The following COL11A2 variants were observed in gnomAD, a reference collection of about 807,000 sequenced individuals.
The protein encoded by COL11A2 is collagen alpha-2(XI) chain.
In COL11A2, 116 loss-of-function variants were observed where a neutral mutation model predicts 273.4. The ratio of observed to expected loss-of-function variants is 0.42; its 90% CI spans 0.36 to 0.49. COL11A2 has a LOEUF of 0.49. Among genes scored for constraint, COL11A2 ranks in the 20% least tolerant of loss-of-function variants. COL11A2 has a pLI of 0.00. For synonymous variants in COL11A2, 782 were observed against 864.2 expected, an observed-to-expected ratio of 0.90 and a Z score of 1.67; for missense variants, 1,866 against 2,309.0, an observed-to-expected ratio of 0.81 and a Z score of 3.93.
rs573516814 is a variant in COL11A2 at position 33,172,419 on chromosome 6, C to A, written c.2899-41G>T. On this transcript the variant is annotated intron_variant, in intron 39 of 65. Transcript: ENST00000341947. Reference sequence around the variant, plus strand: ...AGGTGATGAGCCACAGCCATGCTCCCAAATTAAACAGAGAGCTCTCCAGCC... The same window carrying A: ...AGGTGATGAGCCACAGCCATGCTCCAAAATTAAACAGAGAGCTCTCCAGCC... The A allele has an allele frequency of 7.7e-6, 12 of 1,560,842 alleles. No homozygotes were observed. In the South Asian group the frequency reaches 1.4e-4, roughly 18 times the overall value.
rs2150551799 is a variant in COL11A2 at position 33,172,510 on chromosome 6, C to T, written c.2898+20G>A. ...AATCCCCAGCTCCCCCACTTCCCCT[C>T]TGCCTGGCCCCTCACTGACCTTTGT... On this transcript the variant is annotated intron_variant, in intron 39 of 65. Transcript: ENST00000341947. 1.2e-6 allele frequency: 2 copies of T among 1,609,000 alleles called. No individual in the cohort carries two copies. The highest frequency in any genetic ancestry group is 4.5e-5 in the East Asian group (2 of 44,856).
In COL11A2 at chr6:33,189,461, G is replaced by C. The variant is rs1554226286; in HGVS notation, c.91C>G (p.Pro31Ala). The C allele has an allele frequency of 6.2e-7, 1 of 1,613,086 alleles. No homozygotes were observed. Among genetic ancestry groups the C allele is most frequent in the Non-Finnish European group, 8.5e-7 (1 of 1,180,024 alleles). The change falls in exon 2 of 66, where the codon CCT (proline) becomes GCT (alanine). Residue 31 changes from proline (P) to alanine (A), a missense_variant. Coordinates refer to ENST00000341947, the MANE Select transcript of COL11A2 (RefSeq NM_080680.3). The surrounding 1 kb of genome is among the most constrained non-coding windows in gnomAD (Gnocchi z 5.6). ...SAAPGWAGAPPVDVLRALRFP... is the reference protein window; with the variant it reads ...SAAPGWAGAPAVDVLRALRFP... ...CTCAGGGCCCGGAGCACATCCACAG[G>C]GGGTGCACCTGGGAGAGTCCATGAT...
chr6:33,189,076 C>A lies in COL11A2; in HGVS notation c.345G>T (p.Glu115Asp). 6.2e-7 allele frequency: 1 copy of A among 1,614,200 alleles called. No individual in the cohort carries two copies. Among genetic ancestry groups the A allele is most frequent in the Non-Finnish European group, 8.5e-7 (1 of 1,180,040 alleles). ...SAQGVRQLGL[E>D]LGRPVRFLYE... is the part of the protein sequence containing the mutation. Reference sequence around the variant, plus strand: ...ACAGGAAGCGGACAGGTCGGCCCAGCTCCAGGCCCAGCTGTCGGACACCCT... The same window carrying A: ...ACAGGAAGCGGACAGGTCGGCCCAGATCCAGGCCCAGCTGTCGGACACCCT... Residue 115 changes from glutamate (E) to aspartate (D), a missense_variant, in exon 3 of 66, where the codon GAG becomes GAT. Coordinates refer to ENST00000341947, the MANE Select transcript of COL11A2 (RefSeq NM_080680.3). The surrounding 1 kb of genome is among the most constrained non-coding windows in gnomAD (Gnocchi z 5.6).
At position 33,179,788 on chromosome 6, in the gene COL11A2, A is replaced by G; in HGVS notation, c.1377T>C (p.Gly459=). The G allele has an allele frequency of 6.2e-7, 1 of 1,611,324 alleles. No individual in the cohort carries two copies. Among genetic ancestry groups the G allele is most frequent in the South Asian group, 1.1e-5 (1 of 91,074 alleles). The change falls in exon 13 of 66, where the codon GGT becomes GGC. Residue 459 remains glycine (G), a synonymous_variant. Coordinates refer to ENST00000341947, the MANE Select transcript of COL11A2 (RefSeq NM_080680.3). The surrounding 1 kb of genome is among the most constrained non-coding windows in gnomAD (Gnocchi z 6.4). ...CCACCACAGGGCCCTTGTCACCCCC[A>G]CCACTGCCAAACCGGAACTGAGGTC... The part of the protein sequence containing the change: ...SLMLPFRFGS[G]GGDKGPVVAA...
Position 33,173,255 on chromosome 6 carries a change from C to A in COL11A2, c.2736+93G>T. ...AGCACCAGGGCAGGCTCCACTCTGC[C>A]AGGAGAACGTCCCTGTGGGCTTTCC... On this transcript the variant is annotated intron_variant, in intron 37 of 65. Coordinates refer to ENST00000341947, the MANE Select transcript of COL11A2 (RefSeq NM_080680.3). This position sits in a 1 kb window ranked among gnomAD's most constrained non-coding sequence, Gnocchi z 6.3. 1 of 1,565,126 alleles carries A rather than the reference C, an allele frequency of 6.4e-7. No homozygotes were observed. The highest frequency in any genetic ancestry group is 8.7e-7 in the Non-Finnish European group (1 of 1,145,926).
chr6:33,184,651 T>C (rs1448005529), intron 7 of COL11A2, among the ~76,000 whole-genome samples: 1 of 151,652 alleles, frequency 6.6e-6, no homozygotes, highest in Admixed American at 6.6e-5. Context: ...ACCAAAGAGA[T>C]AGGGAAGACA....
Position 33,176,918 on chromosome 6 carries a change from T to A in COL11A2, c.2070+74A>T. 1 of 1,558,842 alleles carries A rather than the reference T, an allele frequency of 6.4e-7. No individual in the cohort carries two copies. Among genetic ancestry groups the A allele is most frequent in the Non-Finnish European group, 8.7e-7 (1 of 1,143,768 alleles). On this transcript the variant is annotated intron_variant, in intron 25 of 65. Coordinates refer to ENST00000341947, the MANE Select transcript of COL11A2 (RefSeq NM_080680.3). The surrounding 1 kb of genome is among the most constrained non-coding windows in gnomAD (Gnocchi z 4.9). ...AGTGACCTTTCAGTGCAAGGGTCACTAAAGGAGCTCTGAGGTCATGCACTG... is the reference window on the plus strand; with the variant it reads ...AGTGACCTTTCAGTGCAAGGGTCACAAAAGGAGCTCTGAGGTCATGCACTG...
rs1469596482 is a variant in COL11A2 at position 33,190,825 on chromosome 6, G to C, written c.82+1334C>G. ...ACCCCAGGCCAAGGAGACCTCGGAGGTCCCCACCCTCCACCAAATCCCAAG... is the reference window on the plus strand; with the variant it reads ...ACCCCAGGCCAAGGAGACCTCGGAGCTCCCCACCCTCCACCAAATCCCAAG... On this transcript the variant is annotated intron_variant, in intron 1 of 65. Coordinates refer to ENST00000341947, the MANE Select transcript of COL11A2 (RefSeq NM_080680.3). This position sits in a 1 kb window ranked among gnomAD's most constrained non-coding sequence, Gnocchi z 4.5. Among the ~76,000 whole-genome samples, 1 of 151,988 alleles carries C rather than the reference G, an allele frequency of 6.6e-6. No homozygotes were observed. The highest frequency in any genetic ancestry group is 1.5e-5 in the Non-Finnish European group (1 of 67,998).
intron 38 of COL11A2, 72 bp from the exon 39 acceptor site, chr6:33,172,709 G>C: frequency 7.4e-7 from 1 of 1,349,234 alleles, no homozygotes; most frequent in Non-Finnish European, 1.0e-6. Context: ...GCCCACCCTG[G>C]CCACCCTAAA....
rs949529297 is a variant in COL11A2, at chr6:33,164,082, AC to A, written c.5070+184del. Among the ~76,000 whole-genome samples the A allele has an allele frequency of 2.0e-5, 3 of 151,970 alleles. No individual in the cohort carries two copies. Among genetic ancestry groups the A allele is most frequent in the African/African-American group, 7.3e-5 (3 of 41,362 alleles). On this transcript the variant is annotated intron_variant, in intron 65 of 65. Transcript: ENST00000341947. The surrounding 1 kb of genome is among the most constrained non-coding windows in gnomAD (Gnocchi z 4.7). ...TGGTGTTTGTACCCAAGTGAACCTC[AC>A]CCGATGGCTTCCATCCTTTCCACCT...
chr6:33,178,743 G>C lies in COL11A2; in HGVS notation c.1666-11C>G. On this transcript the variant is annotated splice_polypyrimidine_tract_variant and intron_variant, in intron 17 of 65. Coordinates refer to ENST00000341947, the MANE Select transcript of COL11A2 (RefSeq NM_080680.3). The surrounding 1 kb of genome is among the most constrained non-coding windows in gnomAD (Gnocchi z 4.6). ...AAAACCTCGGTCACCCTAGGAGGAG[G>C]AAGGATAGCCAGAGTGAGGACACGA... The C allele has an allele frequency of 1.2e-6, 2 of 1,612,710 alleles. No homozygotes were observed. The highest frequency in any genetic ancestry group is 1.7e-6 in the Non-Finnish European group (2 of 1,179,882).
At position 33,179,264 on chromosome 6, in the gene COL11A2, G is replaced by A. The variant is rs1465511059; in HGVS notation, c.1524C>T (p.Gly508=). Residue 508 remains glycine (G), a synonymous_variant, in exon 15 of 66, where the codon GGC becomes GGT. Coordinates refer to ENST00000341947, the MANE Select transcript of COL11A2 (RefSeq NM_080680.3). This position sits in a 1 kb window ranked among gnomAD's most constrained non-coding sequence, Gnocchi z 6.4. ...CTAAGTCTCCAGACTCTCCTTTCAG[G>A]CCAGGGCTCCCAGGTTGGCCCTGGG... ...PGPLGQPGSP[G]LKGESGDLGP... is the part of the protein sequence containing the mutation. 25 of 1,611,620 alleles carry A rather than the reference G, an allele frequency of 1.6e-5. No homozygotes were observed. Among genetic ancestry groups the A allele is most frequent in the Non-Finnish European group, 2.1e-5 (25 of 1,179,340 alleles).
Position 33,166,498 on chromosome 6 carries a change from A to G in COL11A2, c.4392+15T>C. On this transcript the variant is annotated intron_variant, in intron 60 of 65. Coordinates refer to ENST00000341947, the MANE Select transcript of COL11A2 (RefSeq NM_080680.3). This position sits in a 1 kb window ranked among gnomAD's most constrained non-coding sequence, Gnocchi z 4.8. ...GGTTTAGGGGATTTTGTGGAGGAAC[A>G]GAGGCAGTACTCACGGGGAGGCCGG... The G allele has an allele frequency of 6.2e-7, 1 of 1,612,754 alleles. No homozygotes were observed.
Position 33,164,657 on chromosome 6 carries a change from G to C in COL11A2, c.4864-184C>G, listed in dbSNP as rs533319534. Among the ~76,000 whole-genome samples, 1 of 152,252 alleles carries C rather than the reference G, an allele frequency of 6.6e-6. No individual in the cohort carries two copies. The highest frequency in any genetic ancestry group is 1.5e-5 in the Non-Finnish European group (1 of 68,022). ...GGGCTGAGTGGGAGCCAGGAGACTGGGGGTACACGAAAGGCAAAGTGAGCA... is the reference window on the plus strand; with the variant it reads ...GGGCTGAGTGGGAGCCAGGAGACTGCGGGTACACGAAAGGCAAAGTGAGCA... On this transcript the variant is annotated intron_variant, in intron 64 of 65. Transcript: ENST00000341947. The surrounding 1 kb of genome is among the most constrained non-coding windows in gnomAD (Gnocchi z 4.7).
chr6:33,179,861 C>T lies in COL11A2; in HGVS notation c.1360-56G>A. 2 of 1,525,258 alleles carry T rather than the reference C, an allele frequency of 1.3e-6. No individual in the cohort carries two copies. The highest frequency in any genetic ancestry group is 1.8e-6 in the Non-Finnish European group (2 of 1,109,630). 94.5% of individuals were successfully genotyped at this position (1,525,258 alleles called of 1,614,324 possible). A position where few individuals can be genotyped will look rare whatever the true frequency, so the allele number is the denominator to read the frequency against. The stretch of plus-strand genomic sequence containing the variant: ...CTTCCAAGAAAGCCATGGGACCCTC[C>T]CAGCCAGAGGCTTTCTCCAGCGTTT... On this transcript the variant is annotated intron_variant, in intron 12 of 65. Transcript: ENST00000341947. The surrounding 1 kb of genome is among the most constrained non-coding windows in gnomAD (Gnocchi z 6.4).
At position 33,177,423 on chromosome 6, in the gene COL11A2, G is replaced by A; in HGVS notation, c.1960C>T (p.Pro654Ser). The change falls in exon 23 of 66, where the codon CCT (proline) becomes TCT (serine). Residue 654 changes from proline (P) to serine (S), a missense_variant. By Grantham distance (74) the Pro-to-Ser change is moderately conservative. Coordinates refer to ENST00000341947, the MANE Select transcript of COL11A2 (RefSeq NM_080680.3). This position sits in a 1 kb window ranked among gnomAD's most constrained non-coding sequence, Gnocchi z 5.9. Reference protein sequence around the residue: ...EPGPPGQQGTPGTQGLPGPQG... With the variant: ...EPGPPGQQGTSGTQGLPGPQG... ...GGGGCACCGCTCACCTGGGTCCCAGGGGTGCCCTGTTGTCCAGGAGGTCCT... is the reference window on the plus strand; with the variant it reads ...GGGGCACCGCTCACCTGGGTCCCAGAGGTGCCCTGTTGTCCAGGAGGTCCT... 1.2e-6 allele frequency: 2 copies of A among 1,612,910 alleles called. No homozygotes were observed. Among genetic ancestry groups the A allele is most frequent in the Non-Finnish European group, 1.7e-6 (2 of 1,179,962 alleles).
chr6:33,174,810 G>A (rs1254786844), intron 30 of COL11A2, among the ~76,000 whole-genome samples: 2 of 151,894 alleles, frequency 1.3e-5, no homozygotes, highest in African/African-American at 4.8e-5. Context: ...CCTCCCCTGC[G>A]CCTACAGAGG....
chr6:33,173,314 C>T lies in COL11A2; in HGVS notation c.2736+34G>A, dbSNP rs747391627. ...CTGGGGTTAAAGGGTCTGATGGAGCCCCCTGAGAATGGGTAGCCAGGAGCA... is the reference window on the plus strand; with the variant it reads ...CTGGGGTTAAAGGGTCTGATGGAGCTCCCTGAGAATGGGTAGCCAGGAGCA... On this transcript the variant is annotated intron_variant, in intron 37 of 65. Transcript: ENST00000341947. The surrounding 1 kb of genome is among the most constrained non-coding windows in gnomAD (Gnocchi z 6.3). The T allele has an allele frequency of 1.2e-6, 2 of 1,609,650 alleles. No homozygotes were observed. Among genetic ancestry groups the T allele is most frequent in the Middle Eastern group, 1.7e-4 (1 of 5,866 alleles).
chr6:33,184,912 T>A, intron 7 of COL11A2, 80 bp downstream of exon 7: 1 of 1,225,970 alleles, frequency 8.2e-7, no homozygotes, highest in Non-Finnish European at 1.2e-6. Flanking sequence ...GGCTGGTCCA[T>A]CAAGACGTCA....
Sources: allele counts gnomAD v4.1 joint callset (sites outside exome capture counted in the v4.1 genomes callset), GRCh38; gene constraint gnomAD v4.1.1; non-coding constraint Gnocchi (gnomAD v3.1); transcripts MANE v1.5; gene names NCBI Gene and HGNC (gene_info 2026-07-23, HGNC 2026-07-21).